SLC6A6: variants seen among roughly 807,000 people sequenced by gnomAD.
SLC6A6 encodes sodium- and chloride-dependent taurine transporter.
Under a neutral mutation model 68.8 loss-of-function variants are expected in SLC6A6, and 16 were observed. The ratio of observed to expected loss-of-function variants is 0.23; its 90% CI spans 0.16 to 0.35. The LOEUF (loss-of-function observed/expected upper bound fraction) is 0.35. SLC6A6 is among the 10% of genes least tolerant of loss of function. The pLI is 1.00. For synonymous variants in SLC6A6, 312 were observed against 315.4 expected (o/e 0.99, Z 0.12); for missense variants, 474 against 802.8 (o/e 0.59, Z 4.95).
chr3:14,477,376 G>A lies in SLC6A6; in HGVS notation c.1347+34G>A, dbSNP rs747966536. On this transcript the variant is annotated intron_variant, in intron 11 of 14. Coordinates refer to ENST00000622186, the MANE Select transcript of SLC6A6 (RefSeq NM_003043.6). This position sits in a 1 kb window ranked among gnomAD's most constrained non-coding sequence, Gnocchi z 4.2. ...CTCTCTCAGCTGTGTTTCAGGCTTG[G>A]TGCTCCAGTGCCCTCCTCAAGGCCA... 7.5e-6 allele frequency: 12 copies of A among 1,608,874 alleles called. No individual in the cohort carries two copies. Among genetic ancestry groups the A allele is most frequent in the Non-Finnish European group, 1.0e-5 (12 of 1,176,450 alleles).
rs35842831 is a variant in SLC6A6, at chr3:14,468,335, A to ACC, written c.1096+132_1096+133dup. ...GGGACGAGCCTGGTTTCTAAAATGGACCCCCCCCCCGCCACCAAGATATCC... is the reference window on the plus strand; with the variant it reads ...GGGACGAGCCTGGTTTCTAAAATGGACCCCCCCCCCCCGCCACCAAGATATCC... On this transcript the variant is annotated intron_variant, in intron 9 of 14. Transcript: ENST00000622186. This position sits in a 1 kb window ranked among gnomAD's most constrained non-coding sequence, Gnocchi z 4.5. The ACC allele has an allele frequency of 0.053, 31,177 of 586,572 alleles. 383 individuals carry two copies. Among genetic ancestry groups the ACC allele is most frequent in the African/African-American group, 0.072 (3,274 of 45,722 alleles). 36.3% of individuals were successfully genotyped at this position (586,572 alleles called of 1,614,324 possible).
chr3:14,458,205 G>A (rs2124967449), intron 6 of SLC6A6, 123 bp downstream of exon 6: 2 of 853,816 alleles, frequency 2.3e-6, no homozygotes, highest in South Asian at 2.8e-5. Flanking sequence ...TGGCGTGCTG[G>A]TAAGCCCGCC....
chr3:14,404,305 G>A (rs1216515598), intron 1 of SLC6A6, among the ~76,000 whole-genome samples: 1 of 152,112 alleles, frequency 6.6e-6, no homozygotes, highest in African/African-American at 2.4e-5. Context: ...TCTCGACCAG[G>A]GAGTCACCCA....
chr3:14,468,298 G>T lies in SLC6A6; in HGVS notation c.1096+86G>T. The T allele has an allele frequency of 8.4e-7, 1 of 1,190,730 alleles. No individual in the cohort carries two copies. Among genetic ancestry groups the T allele is most frequent in the South Asian group, 1.6e-5 (1 of 61,596 alleles). 73.8% of individuals were successfully genotyped at this position (1,190,730 alleles called of 1,614,324 possible). On this transcript the variant is annotated intron_variant, in intron 9 of 14. Coordinates refer to ENST00000622186, the MANE Select transcript of SLC6A6 (RefSeq NM_003043.6). This position sits in a 1 kb window ranked among gnomAD's most constrained non-coding sequence, Gnocchi z 4.5. ...TGCAGGCATGAAGCCAGACCCCAGG[G>T]GGCTTTGAGGGGGGACGAGCCTGGT...
rs58996264 is a variant in SLC6A6, at chr3:14,436,531, CTTTTTTTTTTTTTTTTTTTTTTTTTTT to C, written c.-11-7069_-11-7043del. On this transcript the variant is annotated intron_variant, in intron 2 of 14. Transcript: ENST00000622186. Reference sequence around the variant, plus strand: ...GAATAGCACTCTTAACAACAACTCCCTTTTTTTTTTTTTTTTTTTTTTTTTTTTTTTTTTTTTTTTTTTTTTTTTTGG... The same window carrying C: ...GAATAGCACTCTTAACAACAACTCCCTTTTTTTTTTTTTTTTTTTTTTTGG... 7.3e-3 allele frequency among the ~76,000 whole-genome samples: 820 copies of C among 112,478 alleles called. 19 individuals are homozygous for C. The highest frequency in any genetic ancestry group is 0.012 in the Non-Finnish European group (656 of 54,038). 73.8% of individuals were successfully genotyped at this position (112,478 alleles called of 152,430 possible).
At chr3:14,478,636 G>A in intron 12 of SLC6A6, 68 bp downstream of exon 12, 2 of 959,792 alleles carry the variant, frequency 2.1e-6, no homozygotes, top group Non-Finnish European at 3.4e-6. Flanking sequence ...AGAAGCTTCA[G>A]AAGCAGAGAA....
At chr3:14,410,871 A>C (rs1463278650) in intron 1 of SLC6A6, among the ~76,000 whole-genome samples, 2 of 152,232 alleles carry the variant, frequency 1.3e-5, no homozygotes, top group African/African-American at 4.8e-5. Flanking sequence ...CAGCGATTTC[A>C]GCAGAGTCAT....
chr3:14,485,227 G>C lies in SLC6A6; in HGVS notation c.*220G>C, dbSNP rs1701125854. 1 of 394,468 alleles carries C rather than the reference G, an allele frequency of 2.5e-6. No individual in the cohort carries two copies. The highest frequency in any genetic ancestry group is 4.5e-6 in the Non-Finnish European group (1 of 222,270). 24.4% of individuals were successfully genotyped at this position (394,468 alleles called of 1,614,324 possible). On this transcript the variant is annotated 3_prime_UTR_variant, in exon 15 of 15. Coordinates refer to ENST00000622186, the MANE Select transcript of SLC6A6 (RefSeq NM_003043.6). ...ATTTGGGGGATATTTTGTACAAAAAGAAAACCCACGGGAAGATGTCCGTGG... is the reference window on the plus strand; with the variant it reads ...ATTTGGGGGATATTTTGTACAAAAACAAAACCCACGGGAAGATGTCCGTGG...
At position 14,488,447 on chromosome 3, in the gene SLC6A6, C is replaced by G. The variant is rs1701235743; in HGVS notation, c.*3440C>G. On this transcript the variant is annotated 3_prime_UTR_variant, in exon 15 of 15. Coordinates refer to ENST00000622186, the MANE Select transcript of SLC6A6 (RefSeq NM_003043.6). ...CAGCCAGCATCTCCCAGCACAGCCC[C>G]TCTCCCTGGGGAAATGCTCTGGGTA... The G allele has an allele frequency of 6.6e-6, 1 of 152,484 alleles. No homozygotes were observed. Among genetic ancestry groups the G allele is most frequent in the South Asian group, 2.1e-4 (1 of 4,828 alleles). The allele number at this position is 152,484 out of a possible 1,614,324, so 9.4% of individuals were successfully genotyped here.
At chr3:14,445,601 A>G (rs1438856923) in intron 3 of SLC6A6, 116 bp from the exon 4 acceptor site, 2 of 1,191,062 alleles carry the variant, frequency 1.7e-6, no homozygotes, top group Non-Finnish European at 2.5e-6. Context: ...TTTGGCCTTG[A>G]GCCTCATGCC....
rs949668431 is a variant in SLC6A6, at chr3:14,402,938, C to A, written c.-54+91C>A. 2 of 384,954 alleles carry A rather than the reference C, an allele frequency of 5.2e-6. No homozygotes were observed. Among genetic ancestry groups the A allele is most frequent in the Admixed American group, 4.5e-5 (1 of 22,250 alleles). 23.8% of individuals were successfully genotyped at this position (384,954 alleles called of 1,614,324 possible). On this transcript the variant is annotated intron_variant, in intron 1 of 14. Transcript: ENST00000622186. The surrounding 1 kb of genome is among the most constrained non-coding windows in gnomAD (Gnocchi z 4.8). ...CCCCGCGTCGCCGCAGTCCCGGCCT[C>A]CTCCCCTCCGCGTGCGCCCATCCGG...
intron 11 of SLC6A6, 24 bp from the exon 12 acceptor site, chr3:14,478,442 C>T (rs1419230089): frequency 6.7e-7 from 1 of 1,499,438 alleles, no homozygotes. Flanking sequence ...GGAAATCGAC[C>T]TTCTGTGGTT....
chr3:14,466,016 C>T lies in SLC6A6; in HGVS notation c.733-500C>T, dbSNP rs150662971. Among the ~76,000 whole-genome samples, 1,404 of 152,216 alleles carry T rather than the reference C, an allele frequency of 9.2e-3. 24 individuals carry two copies. The highest frequency in any genetic ancestry group is 0.032 in the African/African-American group (1,344 of 41,532). ...GTGGCTCATGCCTATAATCCCAGCA[C>T]TTTGGGAGGCTGAGGCAGGTGGATC... On this transcript the variant is annotated intron_variant, in intron 6 of 14. Transcript: ENST00000622186.
rs114516088 is a variant in SLC6A6 at position 14,421,131 on chromosome 3, G to T, written c.-12+4678G>T. On this transcript the variant is annotated intron_variant, in intron 2 of 14. Transcript: ENST00000622186. The stretch of plus-strand genomic sequence containing the variant: ...GATGGAGGGGTGGCACCTCCCTGGG[G>T]AGCTCCTGCCTTCGGGACTTTAGGA... Among the ~76,000 whole-genome samples, 948 of 152,318 alleles carry T rather than the reference G, an allele frequency of 6.2e-3. 10 individuals are homozygous for T. Among genetic ancestry groups the T allele is most frequent in the African/African-American group, 0.019 (805 of 41,556 alleles).
intron 5 of SLC6A6, among the ~76,000 whole-genome samples, chr3:14,454,726 T>C (rs1700332173): frequency 6.6e-6 from 1 of 152,182 alleles, no homozygotes; most frequent in Non-Finnish European, 1.5e-5. Context: ...TTAAAAACAT[T>C]GAAATAGTGC....
chr3:14,414,764 C>T (rs989887784), intron 1 of SLC6A6, among the ~76,000 whole-genome samples: 9 of 152,152 alleles, frequency 5.9e-5, no homozygotes, highest in African/African-American at 1.7e-4. Context: ...CTCTTGGGCT[C>T]ATGAGCCTTC....
chr3:14,420,065 A>G (rs1391816125), intron 2 of SLC6A6, among the ~76,000 whole-genome samples: 1 of 152,216 alleles, frequency 6.6e-6, no homozygotes, highest in Non-Finnish European at 1.5e-5. Context: ...AGAAGTGCCA[A>G]CCTCAACATT....
rs942593379 is a variant in SLC6A6 at position 14,422,325 on chromosome 3, T to A, written c.-12+5872T>A. Among the ~76,000 whole-genome samples the A allele has an allele frequency of 2.0e-5, 3 of 152,266 alleles. No homozygotes were observed. The South Asian group carries it at 6.2e-4, about 32-fold the overall frequency. The stretch of plus-strand genomic sequence containing the variant: ...GTCTCCACACACTTGCTGGCAGAGC[T>A]GGGACAAGTCACTAACCCTCTGTGT... On this transcript the variant is annotated intron_variant, in intron 2 of 14. Coordinates refer to ENST00000622186, the MANE Select transcript of SLC6A6 (RefSeq NM_003043.6).
At chr3:14,465,387 C>T (rs562323084) in intron 6 of SLC6A6, among the ~76,000 whole-genome samples, 2 of 152,318 alleles carry the variant, frequency 1.3e-5, no homozygotes, top group Non-Finnish European at 2.9e-5. Flanking sequence ...CCCGGTGAAG[C>T]GGGGAGCCTT....
Sources: gnomAD v4.1 joint callset for allele counts (sites outside exome capture counted in the v4.1 genomes callset) on GRCh38, gnomAD v4.1.1 for gene constraint, Gnocchi (gnomAD v3.1) non-coding constraint, MANE v1.5 for transcripts, NCBI Gene and HGNC (gene_info 2026-07-23, HGNC 2026-07-21) for gene names.